The following FAM216A variants were observed in gnomAD, a reference collection of about 807,000 sequenced individuals.
FAM216A encodes protein FAM216A.
FAM216A carries 26 observed loss-of-function variants against 37.6 expected under a neutral mutation model. The ratio of observed to expected loss-of-function variants is 0.69; its 90% CI spans 0.51 to 0.96. The LOEUF is 0.96. FAM216A is among the 40% of genes least tolerant of loss of function. The pLI is 0.00. For missense variants in FAM216A, 326 were observed against 339.3 expected (o/e 0.96, Z 0.31); for synonymous variants, 110 against 121.7 (o/e 0.90, Z 0.64).
chr12:110,468,633 G>A (rs1487334880), upstream of FAM216A: 3 of 1,537,094 alleles, frequency 2.0e-6, no homozygotes, highest in African/African-American at 2.7e-5. Flanking sequence ...GTTTTGGGGA[G>A]CATGTATATT....
chr12:110,486,932 A>C lies in FAM216A; in HGVS notation c.620+215A>C, dbSNP rs188205760. ...CACCATGCCCTGCTAGTTAAAAAAA[A>C]TTGTTTGTACAGAAAGCATCTCACT... On this transcript the variant is annotated intron_variant, in intron 5 of 6. Transcript: ENST00000377673. 92 of 510,004 alleles carry C rather than the reference A, an allele frequency of 1.8e-4. No homozygotes were observed. In the Admixed American group the frequency reaches 1.9e-3, roughly 10 times the overall value. 31.6% of individuals were successfully genotyped at this position (510,004 alleles called of 1,614,324 possible). A position where few individuals can be genotyped will look rare whatever the true frequency, so the allele number is the denominator to read the frequency against.
At chr12:110,482,111 T>G (rs1232589452) in intron 2 of FAM216A, among the ~76,000 whole-genome samples, 1 of 151,618 alleles carries the variant, frequency 6.6e-6, no homozygotes, top group Non-Finnish European at 1.5e-5. Flanking sequence ...AGACAGAGTC[T>G]CACTCTGTCA....
rs1185422861 is a variant in FAM216A, at chr12:110,490,088, T to G, written c.773T>G (p.Met258Arg). 6.3e-7 allele frequency: 1 copy of G among 1,575,214 alleles called. No individual in the cohort carries two copies. Residue 258 changes from methionine to arginine, a missense_variant, in exon 7 of 7, where the codon ATG (methionine) becomes AGG (arginine). Coordinates refer to ENST00000377673, the MANE Select transcript of FAM216A (RefSeq NM_013300.3). ...KKEEDLLNNF[M>R]QSMSIEEQGE... ...GAAGAAGATTTACTAAATAATTTTATGCAATCAATGTCAATTGAAGAACAG... is the reference window on the plus strand; with the variant it reads ...GAAGAAGATTTACTAAATAATTTTAGGCAATCAATGTCAATTGAAGAACAG...
At chr12:110,487,704 A>T (rs2062784926) in intron 5 of FAM216A, 157 bp from the exon 6 acceptor site, 1 of 630,996 alleles carries the variant, frequency 1.6e-6, no homozygotes, top group Non-Finnish European at 2.9e-6. Flanking sequence ...CAGCAGCTTT[A>T]CATGTCAGGG....
chr12:110,468,767 G>T (rs1320268540), upstream of FAM216A: 8 of 1,474,954 alleles, frequency 5.4e-6, no homozygotes, highest in African/African-American at 1.4e-5. Context: ...CCGCTCTCCC[G>T]AAGCTGTTCG....
At chr12:110,486,242 G>T in intron 3 of FAM216A, 83 bp from the exon 4 acceptor site, 1 of 1,389,712 alleles carries the variant, frequency 7.2e-7, no homozygotes, top group South Asian at 1.6e-5. Context: ...CAACTCTCTT[G>T]AACATTCATC....
chr12:110,476,013 C>T (rs552390719), intron 2 of FAM216A, among the ~76,000 whole-genome samples: 4 of 152,108 alleles, frequency 2.6e-5, no homozygotes, highest in Non-Finnish European at 5.9e-5. Flanking sequence ...GCTGGGATTA[C>T]AGGCGTGAGC....
chr12:110,469,261 C>T (rs2062664117), intron 1 of FAM216A: 3 of 428,852 alleles, frequency 7.0e-6, no homozygotes, highest in African/African-American at 2.1e-5. Flanking sequence ...GTGCAGTGGC[C>T]ACGAGGTGAC....
In FAM216A at chr12:110,487,913, A is replaced by G. The variant is rs17188964; in HGVS notation, c.673A>G (p.Arg225Gly). The change falls in exon 6 of 7, where the codon AGA becomes GGA. Residue 225 changes from arginine to glycine, a missense_variant. By Grantham distance (125) the Arg-to-Gly change is moderately radical. Transcript: ENST00000377673. ...AAGATGTAAGTCACTGAAGATTTTTAGAAGACCAAGGAAACTGTTCATGCA... is the reference window on the plus strand; with the variant it reads ...AAGATGTAAGTCACTGAAGATTTTTGGAAGACCAAGGAAACTGTTCATGCA... ...KTRCKSLKIF[R>G]RPRKLFMQTV... 12,351 of 1,606,488 alleles carry G rather than the reference A, an allele frequency of 7.7e-3. 73 individuals carry two copies. The highest frequency in any genetic ancestry group is 0.013 in the Middle Eastern group (81 of 6,036).
rs370628840 is a variant in FAM216A at position 110,490,155 on chromosome 12, T to C, written c.*18T>C. 24 of 1,250,062 alleles carry C rather than the reference T, an allele frequency of 1.9e-5. No homozygotes were observed. Among genetic ancestry groups the C allele is most frequent in the African/African-American group, 8.8e-5 (6 of 68,028 alleles). 77.4% of individuals were successfully genotyped at this position (1,250,062 alleles called of 1,614,324 possible). On this transcript the variant is annotated 3_prime_UTR_variant, in exon 7 of 7. Transcript: ENST00000377673. ...TAACTTGACAGTCTTGTCTCGTGTATTGAATTCGTGCCAAAGGTGAGGGTA... is the reference window on the plus strand; with the variant it reads ...TAACTTGACAGTCTTGTCTCGTGTACTGAATTCGTGCCAAAGGTGAGGGTA...
intron 6 of FAM216A, among the ~76,000 whole-genome samples, chr12:110,488,670 G>C (rs987775742): frequency 6.6e-6 from 1 of 152,040 alleles, no homozygotes; most frequent in Non-Finnish European, 1.5e-5. Context: ...CTTATAGTAG[G>C]CCCTTCTTAT....
intron 6 of FAM216A, 121 bp from the exon 7 acceptor site, chr12:110,489,898 T>C (rs2062802143): frequency 1.7e-6 from 1 of 597,280 alleles, no homozygotes; most frequent in Non-Finnish European, 3.0e-6. Context: ...ACTAAGAGCC[T>C]TGAAAATTGC....
In FAM216A at chr12:110,486,597, G is replaced by GC; in HGVS notation, c.501dup (p.Thr168HisfsTer16). ...TACTCACAGAAACAGCATTACCCTT[G>GC]CACTACATGGCGACATCAACTGGAG... On this transcript the variant is annotated frameshift_variant, in exon 5 of 7. Coordinates refer to ENST00000377673, the MANE Select transcript of FAM216A (RefSeq NM_013300.3). LOFTEE classifies it high-confidence loss of function. 6.2e-7 allele frequency: 1 copy of GC among 1,614,104 alleles called. No homozygotes were observed. The highest frequency in any genetic ancestry group is 8.5e-7 in the Non-Finnish European group (1 of 1,180,030).
intron 2 of FAM216A, among the ~76,000 whole-genome samples, chr12:110,476,729 T>C (rs2062716926): frequency 6.6e-6 from 1 of 150,668 alleles, no homozygotes; most frequent in African/African-American, 2.4e-5. Context: ...GGTTTCACCA[T>C]ATTGGCCAGG....
At chr12:110,477,694 T>C (rs1299696891) in intron 2 of FAM216A, among the ~76,000 whole-genome samples, 1 of 151,162 alleles carries the variant, frequency 6.6e-6, no homozygotes, top group Non-Finnish European at 1.5e-5. Context: ...ATGATTAAGA[T>C]GGCTAGAAAT....
In FAM216A at chr12:110,468,934, G is replaced by T. The variant is rs1338038785; in HGVS notation, c.59G>T (p.Gly20Val). The change falls in exon 1 of 7, where the codon GGC becomes GTC. Residue 20 changes from glycine to valine, a missense_variant. Physicochemically the swap from Gly to Val is moderately radical, Grantham distance 109 (BLOSUM62 -3). Coordinates refer to ENST00000377673, the MANE Select transcript of FAM216A (RefSeq NM_013300.3). ...GGTCTCGGCGCCGCGGAGATGCCCG[G>T]CCAGGGTCCGGGGTCCGACTGGACG... ...ARGLGAAEMPGQGPGSDWTER... is the reference protein window; with the variant it reads ...ARGLGAAEMPVQGPGSDWTER... 33 of 1,524,134 alleles carry T rather than the reference G, an allele frequency of 2.2e-5. No homozygotes were observed. The highest frequency in any genetic ancestry group is 2.6e-5 in the Non-Finnish European group (30 of 1,138,734). The allele number at this position is 1,524,134 out of a possible 1,614,324, so 94.4% of individuals were successfully genotyped here. A position where few individuals can be genotyped will look rare whatever the true frequency, so the allele number is the denominator to read the frequency against.
chr12:110,483,404 T>C (rs1050747501), intron 2 of FAM216A, among the ~76,000 whole-genome samples: 2 of 152,168 alleles, frequency 1.3e-5, no homozygotes, highest in African/African-American at 4.8e-5. Flanking sequence ...GTGAAGCTTA[T>C]ACCCTAAATT....
chr12:110,479,652 C>T (rs1272843744), intron 2 of FAM216A, among the ~76,000 whole-genome samples: 4 of 151,488 alleles, frequency 2.6e-5, no homozygotes, highest in African/African-American at 7.3e-5. Context: ...TTCTGGCCAA[C>T]ATGATGAAAC....
chr12:110,489,937 TA>T, intron 6 of FAM216A, 81 bp from the exon 7 acceptor site: 3 of 696,908 alleles, frequency 4.3e-6, no homozygotes, highest in Non-Finnish European at 7.5e-6. Context: ...ACAGGCTTAT[TA>T]ATAAGCCAGG....
Sources: gnomAD v4.1 joint callset for allele counts (sites outside exome capture counted in the v4.1 genomes callset) on GRCh38, gnomAD v4.1.1 for gene constraint, MANE v1.5 for transcripts, NCBI Gene and HGNC (gene_info 2026-07-23, HGNC 2026-07-21) for gene names.